Variants in CARMIL1 observed in about 807,000 individuals in gnomAD.
CARMIL1 encodes the protein capping protein regulator and myosin 1 linker 1, also known as F-actin-uncapping protein LRRC16A.
CARMIL1 carries 90 observed loss-of-function variants against 177.1 expected under a neutral mutation model. The ratio of observed to expected loss-of-function variants is 0.51; its 90% CI spans 0.43 to 0.61. The LOEUF (loss-of-function observed/expected upper bound fraction) is 0.61. CARMIL1 is among the 20% of genes least tolerant of loss of function. CARMIL1 has a pLI of 0.00. For synonymous variants in CARMIL1, 577 were observed against 606.2 expected, an observed-to-expected ratio of 0.95 and a Z score of 0.71; for missense variants, 1,380 against 1,667.0, an observed-to-expected ratio of 0.83 and a Z score of 3.00.
chr6:25,456,755 C>T (rs1210588980), intron 8 of CARMIL1, among the ~76,000 whole-genome samples: 1 of 152,124 alleles, frequency 6.6e-6, no homozygotes, highest in Admixed American at 6.5e-5. Context: ...TTAAGAGGAG[C>T]TAATCCCATC....
rs917534602 is a variant in CARMIL1 at position 25,329,341 on chromosome 6, C to T, written c.138+44432C>T. 3.9e-5 allele frequency among the ~76,000 whole-genome samples: 6 copies of T among 152,178 alleles called. No individual in the cohort carries two copies. The East Asian group carries it at 9.6e-4, about 24-fold the overall frequency. Reference sequence around the variant, plus strand: ...GCAGTGGCAAGCTCTTTTCAGCTTTCTGCCATCCCGAAAGCACCCTAGTGT... The same window carrying T: ...GCAGTGGCAAGCTCTTTTCAGCTTTTTGCCATCCCGAAAGCACCCTAGTGT... On this transcript the variant is annotated intron_variant, in intron 2 of 36. Transcript: ENST00000329474.
At chr6:25,438,828 A>T (rs1797465020) in intron 5 of CARMIL1, among the ~76,000 whole-genome samples, 1 of 151,892 alleles carries the variant, frequency 6.6e-6, no homozygotes, top group Non-Finnish European at 1.5e-5. Flanking sequence ...GTGGGAGATA[A>T]ATCTTTAGAT....
chr6:25,579,901 T>C lies in CARMIL1; in HGVS notation c.2743-1023T>C, dbSNP rs1013333352. ...AAAGAATGTTTTTCAATCATGTAGA[T>C]TGTTTTTTTGAGGAAGCATTAGATG... On this transcript the variant is annotated intron_variant, in intron 29 of 36. Transcript: ENST00000329474. Among the ~76,000 whole-genome samples, 3 of 152,228 alleles carry C rather than the reference T, an allele frequency of 2.0e-5. No homozygotes were observed. In the South Asian group the frequency reaches 6.2e-4, roughly 32 times the overall value.
At chr6:25,429,992 C>T (rs988929028) in intron 4 of CARMIL1, among the ~76,000 whole-genome samples, 2 of 151,782 alleles carry the variant, frequency 1.3e-5, no homozygotes, top group African/African-American at 2.4e-5. Flanking sequence ...ACTACAAGCA[C>T]GCGTCATGAC....
chr6:25,419,489 A>C (rs1020706660), intron 2 of CARMIL1, among the ~76,000 whole-genome samples: 6 of 152,148 alleles, frequency 3.9e-5, no homozygotes, highest in African/African-American at 1.4e-4. Context: ...AGTAAAAGGA[A>C]CCTATAGGCA....
chr6:25,528,853 AC>A lies in CARMIL1; in HGVS notation c.2029del (p.Arg677AlafsTer14). ...ETRKYLQEQA[Y>X]RLQQGIVTST... is the part of the protein sequence containing the mutation. ...AGAAAATACCTTCAAGAGCAGGCCT[AC>A]CGCCTGCAGCAGGGTATTGTCACCA... On this transcript the variant is annotated frameshift_variant, in exon 24 of 37. Coordinates refer to ENST00000329474, the MANE Select transcript of CARMIL1 (RefSeq NM_017640.6). LOFTEE classifies it high-confidence loss of function. The A allele has an allele frequency of 6.2e-7, 1 of 1,610,292 alleles. No homozygotes were observed. Among genetic ancestry groups the A allele is most frequent in the Non-Finnish European group, 8.5e-7 (1 of 1,178,296 alleles).
At chr6:25,468,385 C>T (rs766304682) in intron 9 of CARMIL1, among the ~76,000 whole-genome samples, 6 of 152,098 alleles carry the variant, frequency 3.9e-5, no homozygotes, top group Non-Finnish European at 4.4e-5. Flanking sequence ...ATAATGTATA[C>T]GGTTTCTTTC....
At position 25,619,608 on chromosome 6, in the gene CARMIL1, T is replaced by A; in HGVS notation, c.*25T>A. ...AAGGTCACCCACGCAGAAGTCTTCC[T>A]GTGCAGGGTGCTTTGGTAGCCATCA... On this transcript the variant is annotated 3_prime_UTR_variant, in exon 37 of 37. Coordinates refer to ENST00000329474, the MANE Select transcript of CARMIL1 (RefSeq NM_017640.6). 1 of 1,607,636 alleles carries A rather than the reference T, an allele frequency of 6.2e-7. No homozygotes were observed. Among genetic ancestry groups the A allele is most frequent in the Non-Finnish European group, 8.5e-7 (1 of 1,176,904 alleles).
chr6:25,493,668 G>A (rs1225999147), intron 15 of CARMIL1, among the ~76,000 whole-genome samples: 2 of 152,252 alleles, frequency 1.3e-5, no homozygotes, highest in East Asian at 1.9e-4. Flanking sequence ...TTCTGCTCAC[G>A]TCTCACTGGC....
chr6:25,606,004 C>T (rs1210254968), intron 34 of CARMIL1, 57 bp from the exon 35 acceptor site: 1 of 1,274,672 alleles, frequency 7.8e-7, no homozygotes, highest in Non-Finnish European at 1.1e-6. Context: ...AGACTTCTAG[C>T]TTCAAGTTAT....
intron 5 of CARMIL1, among the ~76,000 whole-genome samples, chr6:25,439,125 G>A (rs909147635): frequency 6.6e-6 from 1 of 151,272 alleles, no homozygotes; most frequent in Non-Finnish European, 1.5e-5. Context: ...TAATAACTTG[G>A]TGACCAATAT....
chr6:25,539,346 C>T (rs1237469015), intron 25 of CARMIL1, among the ~76,000 whole-genome samples: 1 of 151,720 alleles, frequency 6.6e-6, no homozygotes, highest in African/African-American at 2.4e-5. Context: ...TGTAGGACAC[C>T]CATTTAGTGT....
intron 2 of CARMIL1, among the ~76,000 whole-genome samples, chr6:25,354,681 T>C (rs1788410220): frequency 6.6e-6 from 1 of 152,144 alleles, no homozygotes; most frequent in Non-Finnish European, 1.5e-5. Flanking sequence ...TGAGTTTTCT[T>C]TTACTTGTAA....
chr6:25,438,598 A>G (rs1797439354), intron 5 of CARMIL1, among the ~76,000 whole-genome samples: 2 of 152,132 alleles, frequency 1.3e-5, no homozygotes. Flanking sequence ...TGTTCATGCT[A>G]TTTCTCTTGC....
chr6:25,572,327 T>A lies in CARMIL1; in HGVS notation c.2743-8597T>A, dbSNP rs77585956. Among the ~76,000 whole-genome samples the A allele has an allele frequency of 5.2e-3, 791 of 152,300 alleles. 3 individuals are homozygous for A. Among genetic ancestry groups the A allele is most frequent in the Non-Finnish European group, 7.7e-3 (527 of 68,030 alleles). On this transcript the variant is annotated intron_variant, in intron 29 of 36. Transcript: ENST00000329474. ...ACTTGTCCTTTTAATTTTGCTAAAT[T>A]TGAATATGTTCAAAATAAATAGTTG...
intron 2 of CARMIL1, among the ~76,000 whole-genome samples, chr6:25,318,008 C>T (rs916398917): frequency 6.6e-6 from 1 of 152,086 alleles, no homozygotes; most frequent in Non-Finnish European, 1.5e-5. Flanking sequence ...AACCGTAAAG[C>T]GTATTCAATT....
intron 26 of CARMIL1, among the ~76,000 whole-genome samples, chr6:25,541,958 C>T (rs1430032260): frequency 6.6e-6 from 1 of 152,194 alleles, no homozygotes; most frequent in Admixed American, 6.5e-5. Context: ...TGCTCCCGGC[C>T]TCATTGTGTC....
intron 5 of CARMIL1, among the ~76,000 whole-genome samples, chr6:25,439,005 G>A (rs930240688): frequency 6.6e-6 from 1 of 152,092 alleles, no homozygotes; most frequent in Non-Finnish European, 1.5e-5. Context: ...GAGGGTAGAT[G>A]TAAGCTTTAT....
chr6:25,488,568 C>A lies in CARMIL1; in HGVS notation c.1048C>A (p.Arg350Ser). ...VHLDLSGNVL[R>S]GDDLSHMYNF... ...CCTCGACCTCTCAGGGAACGTCCTT[C>A]GTGGAGATGACCTCTCAGTAAGTTT... The change falls in exon 13 of 37, where the codon CGT becomes AGT. Residue 350 changes from arginine to serine, a missense_variant. Transcript: ENST00000329474. 6.2e-7 allele frequency: 1 copy of A among 1,613,618 alleles called. No individual in the cohort carries two copies. Among genetic ancestry groups the A allele is most frequent in the Non-Finnish European group, 8.5e-7 (1 of 1,179,514 alleles).
Sources: allele counts gnomAD v4.1 joint callset (sites outside exome capture counted in the v4.1 genomes callset), GRCh38; gene constraint gnomAD v4.1.1; transcripts MANE v1.5; gene names NCBI Gene and HGNC (gene_info 2026-07-23, HGNC 2026-07-21).